PEMT: variants seen among roughly 807,000 people sequenced by gnomAD.
PEMT encodes the protein phospholipid methyltransferase.
Under a neutral mutation model 27.4 loss-of-function variants are expected in PEMT, and 23 were observed. The ratio of observed to expected loss-of-function variants is 0.84; its 90% CI spans 0.60 to 1.19. The LOEUF is 1.19. PEMT is among the 50% of genes most tolerant of loss of function. The pLI, the probability that PEMT is intolerant of heterozygous loss-of-function variation, is 0.00. For synonymous variants in PEMT, 137 were observed against 139.1 expected (o/e 0.98, Z 0.11); for missense variants, 307 against 310.1 (o/e 0.99, Z 0.07).
intron 3 of PEMT, among the ~76,000 whole-genome samples, chr17:17,514,706 C>T (rs892112569): frequency 2.0e-5 from 3 of 152,234 alleles, no homozygotes; most frequent in African/African-American, 7.2e-5. Flanking sequence ...ACATGCACAC[C>T]CAGTGTGGTG....
chr17:17,582,629 C>A lies in PEMT; in HGVS notation c.97-5602G>T, dbSNP rs1912037912. The stretch of plus-strand genomic sequence containing the variant: ...CAGAATCTGCCTGCAGCGCTGCAGC[C>A]CCCACTGCCCCCAGAGCTGCCCTCA... On this transcript the variant is annotated intron_variant, in intron 1 of 6. Coordinates refer to ENST00000255389, the MANE Select transcript of PEMT (RefSeq NM_148172.3). This position sits in a 1 kb window ranked among gnomAD's most constrained non-coding sequence, Gnocchi z 4.9. 6.6e-6 allele frequency among the ~76,000 whole-genome samples: 1 copy of A among 152,238 alleles called. No individual in the cohort carries two copies.
At chr17:17,581,105 T>A (rs1025692663) in intron 1 of PEMT, among the ~76,000 whole-genome samples, 3 of 152,122 alleles carry the variant, frequency 2.0e-5, no homozygotes, top group African/African-American at 7.2e-5. Context: ...ACTTCCCATA[T>A]CACTGGCGCC....
intron 2 of PEMT, among the ~76,000 whole-genome samples, chr17:17,542,989 C>T (rs753551330): frequency 3.3e-5 from 5 of 152,236 alleles, no homozygotes; most frequent in Non-Finnish European, 5.9e-5. Context: ...GCTGCCTTCC[C>T]CCAGAGCATG....
intron 1 of PEMT, 64 bp from the exon 2 acceptor site, chr17:17,577,091 T>G (rs1911651107): frequency 1.6e-6 from 2 of 1,290,314 alleles, no homozygotes; most frequent in Non-Finnish European, 2.2e-6. Context: ...CCCCCAGGAG[T>G]CGGAGAAAAA....
At chr17:17,540,993 G>T (rs1255090991) in intron 2 of PEMT, among the ~76,000 whole-genome samples, 7 of 152,228 alleles carry the variant, frequency 4.6e-5, no homozygotes, top group African/African-American at 1.4e-4. Flanking sequence ...GTGACTGCCA[G>T]TTTCAGTGCC....
intron 2 of PEMT, among the ~76,000 whole-genome samples, chr17:17,563,250 C>CAGGG (rs1910612631): frequency 6.6e-6 from 1 of 152,174 alleles, no homozygotes; most frequent in African/African-American, 2.4e-5. Context: ...CTCCACCTCC[C>CAGGG]AGGGAGGCTT....
intron 2 of PEMT, among the ~76,000 whole-genome samples, 175 bp downstream of exon 2, chr17:17,576,745 G>A (rs1486550421): frequency 2.0e-5 from 3 of 152,190 alleles, no homozygotes; most frequent in African/African-American, 7.2e-5. Context: ...GATCCCCAAG[G>A]CAAGACGGCA....
chr17:17,507,281 C>T, intron 5 of PEMT: 1 of 1,173,250 alleles, frequency 8.5e-7, no homozygotes, highest in Middle Eastern at 2.0e-4. Context: ...ACAGAGGGCG[C>T]ATGGGCAGGC....
At chr17:17,584,225 T>A (rs1019913971) in intron 1 of PEMT, among the ~76,000 whole-genome samples, 27 of 152,118 alleles carry the variant, frequency 1.8e-4, no homozygotes, top group African/African-American at 6.5e-4. Flanking sequence ...AGTGGCGCGA[T>A]CTCTGCTCAC....
chr17:17,519,605 G>A (rs891951857), intron 3 of PEMT, among the ~76,000 whole-genome samples: 22 of 152,172 alleles, frequency 1.4e-4, no homozygotes, highest in Middle Eastern at 3.2e-3. Context: ...CACAGCACTC[G>A]GCTGGGGCCT....
intron 2 of PEMT, among the ~76,000 whole-genome samples, chr17:17,567,093 CGCTTGG>C (rs1910876236): frequency 6.6e-6 from 1 of 152,198 alleles, no homozygotes; most frequent in Non-Finnish European, 1.5e-5. Flanking sequence ...AGGGAAGACA[CGCTTGG>C]GTCCCACCCA....
At position 17,505,583 on chromosome 17, in the gene PEMT, T is replaced by C. The variant is rs1224013999; in HGVS notation, c.*208A>G. 6.8e-6 allele frequency: 3 copies of C among 439,080 alleles called. No homozygotes were observed. The highest frequency in any genetic ancestry group is 1.2e-5 in the Non-Finnish European group (3 of 254,880). 27.2% of individuals were successfully genotyped at this position (439,080 alleles called of 1,614,324 possible). On this transcript the variant is annotated 3_prime_UTR_variant, in exon 7 of 7. Transcript: ENST00000255389. ...AGATGTTGGGGTCAGGGTGCCTTTA[T>C]TGGTGAATGGGAATGTGTGGGTTGG...
intron 2 of PEMT, among the ~76,000 whole-genome samples, chr17:17,572,602 C>T (rs908998171): frequency 2.0e-5 from 3 of 152,254 alleles, no homozygotes; most frequent in Non-Finnish European, 4.4e-5. Flanking sequence ...CTGACCACCA[C>T]CCCTGTCTGT....
Position 17,506,314 on chromosome 17 carries a change from A to G in PEMT, c.579-13T>C. Reference sequence around the variant, plus strand: ...GGGGCTGGCGTGCCTGAAAGGACAGAGGCAGGTCAGGCCTGGCTGGAGCCA... The same window carrying G: ...GGGGCTGGCGTGCCTGAAAGGACAGGGGCAGGTCAGGCCTGGCTGGAGCCA... On this transcript the variant is annotated splice_polypyrimidine_tract_variant and intron_variant, in intron 5 of 6. Transcript: ENST00000255389. 6.4e-7 allele frequency: 1 copy of G among 1,558,188 alleles called. No individual in the cohort carries two copies. Among genetic ancestry groups the G allele is most frequent in the African/African-American group, 1.4e-5 (1 of 73,726 alleles).
Position 17,561,705 on chromosome 17 carries a change from C to T in PEMT, c.204+15215G>A, listed in dbSNP as rs1531099. On this transcript the variant is annotated intron_variant, in intron 2 of 6. Transcript: ENST00000255389. The surrounding 1 kb of genome is among the most constrained non-coding windows in gnomAD (Gnocchi z 4.5). The stretch of plus-strand genomic sequence containing the variant: ...GTCCGTCTTGCTATCAAAGGCAGGA[C>T]AGACCTGTGTGCTGAGAGGCCCAGA... Among the ~76,000 whole-genome samples, 1,489 of 152,322 alleles carry T rather than the reference C, an allele frequency of 9.8e-3. 28 individuals are homozygous for T. The highest frequency in any genetic ancestry group is 0.033 in the African/African-American group (1,383 of 41,570).
intron 1 of PEMT, among the ~76,000 whole-genome samples, chr17:17,579,896 C>T (rs1911876364): frequency 6.6e-6 from 1 of 152,238 alleles, no homozygotes; most frequent in African/African-American, 2.4e-5. Context: ...ACTTGCCTAG[C>T]TGTGGCCACA....
chr17:17,530,623 C>T lies in PEMT; in HGVS notation c.205-8228G>A, dbSNP rs117669989. ...TATTTTGACTAATCCTCCCTCCTGCCGCACAGCCTGAGGACAAAAGAACCA... is the reference window on the plus strand; with the variant it reads ...TATTTTGACTAATCCTCCCTCCTGCTGCACAGCCTGAGGACAAAAGAACCA... On this transcript the variant is annotated intron_variant, in intron 2 of 6. Transcript: ENST00000255389. Among the ~76,000 whole-genome samples, 742 of 152,272 alleles carry T rather than the reference C, an allele frequency of 4.9e-3. 2 individuals carry two copies. Among genetic ancestry groups the T allele is most frequent in the South Asian group, 0.024 (118 of 4,826 alleles).
At chr17:17,585,098 G>A (rs918949886) in intron 1 of PEMT, among the ~76,000 whole-genome samples, 2 of 152,220 alleles carry the variant, frequency 1.3e-5, no homozygotes, top group South Asian at 2.1e-4. Context: ...AGCACTTTGG[G>A]AGGCCAAGAC....
Position 17,582,423 on chromosome 17 carries a change from T to C in PEMT, c.97-5396A>G. On this transcript the variant is annotated intron_variant, in intron 1 of 6. Coordinates refer to ENST00000255389, the MANE Select transcript of PEMT (RefSeq NM_148172.3). The surrounding 1 kb of genome is among the most constrained non-coding windows in gnomAD (Gnocchi z 4.9). ...TGCAGGGTTCTCGGGAGCAGCGCTCTGTGGTCAGGGAATGATCTGCAGTGG... is the reference window on the plus strand; with the variant it reads ...TGCAGGGTTCTCGGGAGCAGCGCTCCGTGGTCAGGGAATGATCTGCAGTGG... 1.0e-6 allele frequency: 1 copy of C among 985,500 alleles called. No homozygotes were observed. Among genetic ancestry groups the C allele is most frequent in the South Asian group, 4.7e-5 (1 of 21,290 alleles). 61.0% of individuals were successfully genotyped at this position (985,500 alleles called of 1,614,324 possible). A position where few individuals can be genotyped will look rare whatever the true frequency, so the allele number is the denominator to read the frequency against.
Sources: gnomAD v4.1 joint callset for allele counts (sites outside exome capture counted in the v4.1 genomes callset) on GRCh38, gnomAD v4.1.1 for gene constraint, Gnocchi (gnomAD v3.1) non-coding constraint, MANE v1.5 for transcripts, NCBI Gene and HGNC (gene_info 2026-07-23, HGNC 2026-07-21) for gene names.